DYNC1LI2: variants seen among roughly 807,000 people sequenced by gnomAD.
DYNC1LI2 encodes cytoplasmic dynein 1 light intermediate chain 2.
In DYNC1LI2, 19 loss-of-function variants were observed where a neutral mutation model predicts 57.8. That is an observed-to-expected ratio of 0.33 (90% CI 0.23 to 0.48). The LOEUF is 0.48. Ranked by LOEUF, DYNC1LI2 falls within the 20% of genes least tolerant of loss-of-function variation. The probability of loss-of-function intolerance (pLI) is 0.99; values close to 1 mark genes in which losing one functional copy is unlikely to be tolerated. For missense variants in DYNC1LI2, 470 were observed against 604.2 expected (o/e 0.78, Z 2.33); for synonymous variants, 256 against 233.4 (o/e 1.10, Z -0.88).
At chr16:66,743,207 A>AC (rs980835012) in intron 3 of DYNC1LI2, among the ~76,000 whole-genome samples, 68 of 151,260 alleles carry the variant, frequency 4.5e-4, no homozygotes, top group African/African-American at 1.5e-3. Context: ...AACAAAAAAA[A>AC]CTACAGTAAT....
In DYNC1LI2 at chr16:66,751,542, G is replaced by A; in HGVS notation, c.50C>T (p.Pro17Leu). Residue 17 changes from proline (P) to leucine (L), a missense_variant, in exon 1 of 13, where the codon CCC becomes CTC. Pro to Leu is a moderately conservative substitution (Grantham distance 98). Coordinates refer to ENST00000258198, the MANE Select transcript of DYNC1LI2 (RefSeq NM_006141.3). The surrounding 1 kb of genome is among the most constrained non-coding windows in gnomAD (Gnocchi z 5.2). Reference sequence around the variant, plus strand: ...CAGGTCGCCGGCGGCCGCCACCGCGGGCCCGTTGGGACCTAGCAGCAGCTT... The same window carrying A: ...CAGGTCGCCGGCGGCCGCCACCGCGAGCCCGTTGGGACCTAGCAGCAGCTT... ...EKKLLLGPNG[P>L]AVAAAGDLTS... 2 of 1,588,106 alleles carry A rather than the reference G, an allele frequency of 1.3e-6. No individual in the cohort carries two copies. The highest frequency in any genetic ancestry group is 2.4e-5 in the East Asian group (1 of 41,258).
chr16:66,726,654 T>C lies in DYNC1LI2; in HGVS notation c.1262-710A>G, dbSNP rs191795734. On this transcript the variant is annotated intron_variant, in intron 11 of 12. Transcript: ENST00000258198. ...CTATAAAAAATATTTTTGTTTGTGT[T>C]TTTTTGAAATGGAGTCTTGCTCTGT... Among the ~76,000 whole-genome samples, 3 of 152,306 alleles carry C rather than the reference T, an allele frequency of 2.0e-5. No homozygotes were observed. In the East Asian group the frequency reaches 5.8e-4, roughly 29 times the overall value.
In DYNC1LI2 at chr16:66,747,639, G is replaced by A. The variant is rs571978156; in HGVS notation, c.298+1558C>T. Among the ~76,000 whole-genome samples, 160 of 150,372 alleles carry A rather than the reference G, an allele frequency of 1.1e-3. 1 individual carries two copies. Among genetic ancestry groups the A allele is most frequent in the African/African-American group, 1.2e-3 (51 of 40,856 alleles). On this transcript the variant is annotated intron_variant, in intron 3 of 12. Transcript: ENST00000258198. ...GGCTGGAGTGCAGTGGTGCAATCTC[G>A]GCTCACTGCAACCTCCACCTCCTGG...
At chr16:66,724,037 T>G (rs970918366) in intron 12 of DYNC1LI2, among the ~76,000 whole-genome samples, 11 of 152,108 alleles carry the variant, frequency 7.2e-5, no homozygotes, top group African/African-American at 2.4e-4. Context: ...TTCCTCCAAC[T>G]CCAAGGGAGT....
At chr16:66,732,209 G>C in intron 7 of DYNC1LI2, 130 bp downstream of exon 7, 1 of 1,167,362 alleles carries the variant, frequency 8.6e-7, no homozygotes, top group Middle Eastern at 3.0e-4. Context: ...AAGGAACAGA[G>C]AGAAGGTGCA....
chr16:66,745,045 A>G (rs1335373637), intron 3 of DYNC1LI2, among the ~76,000 whole-genome samples: 3 of 151,880 alleles, frequency 2.0e-5, no homozygotes, highest in African/African-American at 7.3e-5. Flanking sequence ...AGTAGCTGGG[A>G]TTACAGGAGT....
chr16:66,722,464 T>A lies in DYNC1LI2; in HGVS notation c.*1258A>T, dbSNP rs1245867930. On this transcript the variant is annotated 3_prime_UTR_variant, in exon 13 of 13. Coordinates refer to ENST00000258198, the MANE Select transcript of DYNC1LI2 (RefSeq NM_006141.3). ...TCATTTCCAGAATGGTGGTATAACATGACAATGTGCATGAATTTGCCCTAG... is the reference window on the plus strand; with the variant it reads ...TCATTTCCAGAATGGTGGTATAACAAGACAATGTGCATGAATTTGCCCTAG... 6.6e-6 allele frequency: 1 copy of A among 152,584 alleles called. No individual in the cohort carries two copies. The highest frequency in any genetic ancestry group is 2.4e-5 in the African/African-American group (1 of 41,436). 9.5% of individuals were successfully genotyped at this position (152,584 alleles called of 1,614,324 possible).
At chr16:66,730,004 C>T in intron 8 of DYNC1LI2, 108 bp downstream of exon 8, 1 of 860,962 alleles carries the variant, frequency 1.2e-6, no homozygotes, top group Non-Finnish European at 1.8e-6. Flanking sequence ...TGGTCTCAAA[C>T]TCCTGACCTC....
intron 7 of DYNC1LI2, 196 bp downstream of exon 7, chr16:66,732,143 G>T: frequency 1.6e-6 from 1 of 632,268 alleles, no homozygotes; most frequent in Non-Finnish European, 2.4e-6. Flanking sequence ...AGGAAGAAAG[G>T]CAGCACCCCT....
chr16:66,735,946 T>C, intron 5 of DYNC1LI2, 129 bp downstream of exon 5: 2 of 1,218,330 alleles, frequency 1.6e-6, no homozygotes, highest in Non-Finnish European at 2.3e-6. Context: ...ACATATTCAA[T>C]GTACCTTAAT....
At chr16:66,736,747 C>T (rs1022178644) in intron 4 of DYNC1LI2, among the ~76,000 whole-genome samples, 1 of 152,162 alleles carries the variant, frequency 6.6e-6, no homozygotes, top group Non-Finnish European at 1.5e-5. Flanking sequence ...CCTGCTACCT[C>T]GGCTTTCCAA....
In DYNC1LI2 at chr16:66,721,014, G is replaced by C. The variant is rs2017443224; in HGVS notation, c.*2708C>G. On this transcript the variant is annotated 3_prime_UTR_variant, in exon 13 of 13. Coordinates refer to ENST00000258198, the MANE Select transcript of DYNC1LI2 (RefSeq NM_006141.3). ...GCACCCGGACAGAGCCACACCCCTG[G>C]ACTAAGGCTGGTGGGGGATAATCTG... The C allele has an allele frequency of 1.3e-5, 2 of 152,596 alleles. No individual in the cohort carries two copies. The highest frequency in any genetic ancestry group is 4.8e-5 in the African/African-American group (2 of 41,438). The allele number at this position is 152,596 out of a possible 1,614,324, so 9.5% of individuals were successfully genotyped here.
intron 6 of DYNC1LI2, 94 bp downstream of exon 6, chr16:66,734,124 C>G (rs2144982773): frequency 8.9e-7 from 1 of 1,123,394 alleles, no homozygotes; most frequent in East Asian, 2.4e-5. Flanking sequence ...TGGCAGAACA[C>G]TATTCTGGGT....
In DYNC1LI2 at chr16:66,723,799, C is replaced by T. The variant is rs1306536514; in HGVS notation, c.1402G>A (p.Val468Ile). The change falls in exon 13 of 13, where the codon GTT (valine) becomes ATT (isoleucine). Residue 468 changes from valine to isoleucine, a missense_variant. Physicochemically the swap from Val to Ile is conservative, Grantham distance 29. Coordinates refer to ENST00000258198, the MANE Select transcript of DYNC1LI2 (RefSeq NM_006141.3). ...KSGQKTVLSNVQEELDRMTRK... is the reference protein window; with the variant it reads ...KSGQKTVLSNIQEELDRMTRK... ...GTCATTCTATCCAGTTCTTCCTGAA[C>T]ATTTGACAACACAGTCTTTTGTCCT... 5.0e-6 allele frequency: 8 copies of T among 1,586,504 alleles called. No homozygotes were observed. The highest frequency in any genetic ancestry group is 6.8e-6 in the Non-Finnish European group (8 of 1,167,884).
In DYNC1LI2 at chr16:66,727,704, C is replaced by T. The variant is rs17852315; in HGVS notation, c.1245G>A (p.Pro415=). ...SSSPGTSVKK[P]DPNIKNNAAS... Reference sequence around the variant, plus strand: ...AATACATACTTTTGATGTTTGGGTCCGGCTTTTTTACTGACGTGCCTGGGG... The same window carrying T: ...AATACATACTTTTGATGTTTGGGTCTGGCTTTTTTACTGACGTGCCTGGGG... Residue 415 remains proline (P), a synonymous_variant, in exon 11 of 13, where the codon CCG becomes CCA. Transcript: ENST00000258198. The T allele has an allele frequency of 1.6e-5, 26 of 1,614,004 alleles. No individual in the cohort carries two copies. The highest frequency in any genetic ancestry group is 4.0e-5 in the African/African-American group (3 of 75,036).
intron 3 of DYNC1LI2, among the ~76,000 whole-genome samples, chr16:66,746,110 T>C (rs899673882): frequency 2.0e-5 from 3 of 151,916 alleles, no homozygotes; most frequent in African/African-American, 7.2e-5. Context: ...TTAGCGGCTT[T>C]AGTTTGGGTT....
chr16:66,734,153 C>G (rs1378719284), intron 6 of DYNC1LI2, 65 bp downstream of exon 6: 1 of 1,514,642 alleles, frequency 6.6e-7, no homozygotes, highest in Non-Finnish European at 9.1e-7. Context: ...TGCTTTATCT[C>G]TTTGAAGATG....
At position 66,751,541 on chromosome 16, in the gene DYNC1LI2, G is replaced by A. The variant is rs749889457; in HGVS notation, c.51C>T (p.Pro17=). The change falls in exon 1 of 13, where the codon CCC becomes CCT. Residue 17 remains proline, a synonymous_variant. Transcript: ENST00000258198. The surrounding 1 kb of genome is among the most constrained non-coding windows in gnomAD (Gnocchi z 5.2). The part of the protein sequence containing the change: ...EKKLLLGPNG[P]AVAAAGDLTS... Reference sequence around the variant, plus strand: ...TCAGGTCGCCGGCGGCCGCCACCGCGGGCCCGTTGGGACCTAGCAGCAGCT... The same window carrying A: ...TCAGGTCGCCGGCGGCCGCCACCGCAGGCCCGTTGGGACCTAGCAGCAGCT... 11 of 1,588,038 alleles carry A rather than the reference G, an allele frequency of 6.9e-6. No homozygotes were observed. The highest frequency in any genetic ancestry group is 4.5e-5 in the South Asian group (4 of 88,968).
At position 66,732,419 on chromosome 16, in the gene DYNC1LI2, C is replaced by A. The variant is rs190792545; in HGVS notation, c.849G>T (p.Leu283Phe). The A allele has an allele frequency of 3.7e-6, 6 of 1,613,734 alleles. No individual in the cohort carries two copies. The highest frequency in any genetic ancestry group is 2.2e-5 in the East Asian group (1 of 44,890). ...ATGTTTTATGAACAATATACTTATA[C>A]AACAAGTCGAGGTTTTTCTCTTCTT... Reference protein sequence around the residue: ...SVKEEKNLDLLYKYIVHKTYG... With the variant: ...SVKEEKNLDLFYKYIVHKTYG... The change falls in exon 7 of 13, where the codon TTG (leucine) becomes TTT (phenylalanine). Residue 283 changes from leucine (L) to phenylalanine (F), a missense_variant. Coordinates refer to ENST00000258198, the MANE Select transcript of DYNC1LI2 (RefSeq NM_006141.3).
Sources: allele counts gnomAD v4.1 joint callset (sites outside exome capture counted in the v4.1 genomes callset), GRCh38; gene constraint gnomAD v4.1.1; non-coding constraint Gnocchi (gnomAD v3.1); transcripts MANE v1.5; gene names NCBI Gene and HGNC (gene_info 2026-07-23, HGNC 2026-07-21).